Variants in ADAM12 observed in about 807,000 individuals in gnomAD.
ADAM12 encodes the protein ADAM metallopeptidase domain 12.
Under a neutral mutation model 106.4 loss-of-function variants are expected in ADAM12, and 70 were observed. That is an observed-to-expected ratio of 0.66 (90% CI 0.54 to 0.80). ADAM12 has a LOEUF of 0.80. Among genes scored for constraint, ADAM12 ranks in the 30% least tolerant of loss-of-function variants. ADAM12 has a pLI of 0.00. For missense variants in ADAM12, 1,010 were observed against 1,171.9 expected, an observed-to-expected ratio of 0.86 and a Z score of 2.02; for synonymous variants, 420 against 433.5, an observed-to-expected ratio of 0.97 and a Z score of 0.39.
At chr10:126,347,298 T>C (rs1248178954) in intron 1 of ADAM12, among the ~76,000 whole-genome samples, 2 of 152,220 alleles carry the variant, frequency 1.3e-5, no homozygotes, top group Non-Finnish European at 2.9e-5. Context: ...TTTGGCTGGA[T>C]ATGAAATTCT....
At chr10:126,272,917 GA>G (rs1178711734) in intron 3 of ADAM12, 1 of 226,764 alleles carries the variant, frequency 4.4e-6, no homozygotes, top group Non-Finnish European at 9.7e-6. Context: ...CTTGGGTTGG[GA>G]CAATGTGGAT....
intron 1 of ADAM12, among the ~76,000 whole-genome samples, chr10:126,374,541 T>C (rs1856212498): frequency 6.6e-6 from 1 of 152,170 alleles, no homozygotes; most frequent in African/African-American, 2.4e-5. Context: ...AAAGCTTCCA[T>C]ACGTGAAAAA....
intron 1 of ADAM12, among the ~76,000 whole-genome samples, chr10:126,341,419 A>C (rs900440015): frequency 6.6e-6 from 1 of 152,188 alleles, no homozygotes; most frequent in Non-Finnish European, 1.5e-5. Context: ...ATGGGGTCCA[A>C]GGCTTCGTTC....
chr10:126,093,834 G>T, intron 11 of ADAM12, 151 bp downstream of exon 11: 1 of 1,226,826 alleles, frequency 8.2e-7, no homozygotes. Flanking sequence ...GAGTAGCACA[G>T]GCCACCCTTG....
chr10:126,116,563 T>C (rs1038406750), intron 6 of ADAM12, among the ~76,000 whole-genome samples: 2 of 151,924 alleles, frequency 1.3e-5, no homozygotes, highest in Admixed American at 1.3e-4. Flanking sequence ...TAGGATACAG[T>C]GTTCTGCCAC....
chr10:126,282,742 A>C (rs7098716), intron 2 of ADAM12, among the ~76,000 whole-genome samples: 127,171 of 152,014 alleles, frequency 0.84, 53,959 homozygotes, highest in Non-Finnish European at 0.92. Flanking sequence ...TTTCTCTCCA[A>C]CCCTTTTTGC....
At chr10:126,045,446 T>G (rs1292853842) in intron 17 of ADAM12, among the ~76,000 whole-genome samples, 1 of 152,204 alleles carries the variant, frequency 6.6e-6, no homozygotes, top group Non-Finnish European at 1.5e-5. Context: ...TGGAGCAGGA[T>G]TTCTGTAGGA....
chr10:126,232,485 A>C (rs993293396), intron 3 of ADAM12, among the ~76,000 whole-genome samples: 1 of 152,184 alleles, frequency 6.6e-6, no homozygotes, highest in Non-Finnish European at 1.5e-5. Context: ...TGTTGTTTGA[A>C]GCCATGAAGT....
intron 1 of ADAM12, among the ~76,000 whole-genome samples, chr10:126,383,587 A>T (rs923676409): frequency 2.0e-5 from 3 of 152,184 alleles, no homozygotes; most frequent in Admixed American, 6.5e-5. Flanking sequence ...GTGACAACGA[A>T]AAAAGATAAT....
At chr10:126,076,952 G>A (rs1205216353) in intron 11 of ADAM12, among the ~76,000 whole-genome samples, 1 of 152,132 alleles carries the variant, frequency 6.6e-6, no homozygotes. Context: ...AGGAAAAGAA[G>A]AAGTCAAACT....
At chr10:126,141,830 T>C (rs1414480910) in intron 4 of ADAM12, among the ~76,000 whole-genome samples, 1 of 152,214 alleles carries the variant, frequency 6.6e-6, no homozygotes, top group African/African-American at 2.4e-5. Flanking sequence ...TAGGGGAAAT[T>C]TGTAGGGTCT....
Position 126,064,723 on chromosome 10 carries a change from C to A in ADAM12, c.1609+83G>T. The A allele has an allele frequency of 1.4e-6, 2 of 1,439,776 alleles. No individual in the cohort carries two copies. Among genetic ancestry groups the A allele is most frequent in the Non-Finnish European group, 9.3e-7 (1 of 1,071,970 alleles). 89.2% of individuals were successfully genotyped at this position (1,439,776 alleles called of 1,614,324 possible). A position where few individuals can be genotyped will look rare whatever the true frequency, so the allele number is the denominator to read the frequency against. Reference sequence around the variant, plus strand: ...AGCGCCCGCCAGGAGTGGGGGCTAACCAAAACAGAGCACATGCCCCCAGTC... The same window carrying A: ...AGCGCCCGCCAGGAGTGGGGGCTAAACAAAACAGAGCACATGCCCCCAGTC... On this transcript the variant is annotated intron_variant, in intron 14 of 22. Coordinates refer to ENST00000448723, the MANE Select transcript of ADAM12 (RefSeq NM_001288973.2). This position sits in a 1 kb window ranked among gnomAD's most constrained non-coding sequence, Gnocchi z 4.4.
At chr10:126,279,804 C>T (rs1327743785) in intron 2 of ADAM12, among the ~76,000 whole-genome samples, 1 of 151,990 alleles carries the variant, frequency 6.6e-6, no homozygotes, top group Non-Finnish European at 1.5e-5. Context: ...ACCACAAACT[C>T]AAGGAGACCT....
Position 126,278,918 on chromosome 10 carries a change from T to C in ADAM12, c.257A>G (p.Asn86Ser). The C allele has an allele frequency of 6.2e-7, 1 of 1,606,262 alleles. No homozygotes were observed. The highest frequency in any genetic ancestry group is 8.5e-7 in the Non-Finnish European group (1 of 1,173,640). ...SKELIINLER[N>S]EGLIASSFTE... is the part of the protein sequence containing the mutation. ...CAATAAACAAGAATTAACTTACTCA[T>C]TTCTTTCCAGATTTATGATCAGTTC... The change falls in exon 3 of 23, where the codon AAT (asparagine) becomes AGT (serine). Residue 86 changes from asparagine to serine, a missense_variant. Coordinates refer to ENST00000448723, the MANE Select transcript of ADAM12 (RefSeq NM_001288973.2).
At chr10:126,247,740 C>T (rs751099630) in intron 3 of ADAM12, among the ~76,000 whole-genome samples, 5 of 152,270 alleles carry the variant, frequency 3.3e-5, no homozygotes, top group East Asian at 1.9e-4. Flanking sequence ...GAATAATGAA[C>T]GTATGACTCT....
At chr10:126,136,477 A>G (rs953591488) in intron 4 of ADAM12, among the ~76,000 whole-genome samples, 1 of 152,158 alleles carries the variant, frequency 6.6e-6, no homozygotes, top group African/African-American at 2.4e-5. Flanking sequence ...AGAAAGGTAC[A>G]TGCATCTTCT....
At chr10:126,279,735 C>CA (rs36105514) in intron 2 of ADAM12, among the ~76,000 whole-genome samples, 9 of 11,700 alleles carry the variant, frequency 7.7e-4, no homozygotes, top group African/African-American at 1.1e-3. Context: ...CTCAAAAAAA[C>CA]AAAAAAAGAA....
intron 21 of ADAM12, among the ~76,000 whole-genome samples, 153 bp downstream of exon 21, chr10:126,035,993 T>G (rs1277562518): frequency 6.6e-6 from 1 of 152,224 alleles, no homozygotes; most frequent in African/African-American, 2.4e-5. Context: ...AACTGCTTTA[T>G]GTGGATTATC....
chr10:126,144,688 T>C (rs1956592974), intron 4 of ADAM12, among the ~76,000 whole-genome samples: 1 of 152,204 alleles, frequency 6.6e-6, no homozygotes, highest in African/African-American at 2.4e-5. Context: ...CACACAGGCC[T>C]GAACAACTCA....
Sources: gnomAD v4.1 joint callset for allele counts (sites outside exome capture counted in the v4.1 genomes callset) on GRCh38, gnomAD v4.1.1 for gene constraint, Gnocchi (gnomAD v3.1) non-coding constraint, MANE v1.5 for transcripts, NCBI Gene and HGNC (gene_info 2026-07-23, HGNC 2026-07-21) for gene names.